MACF1: variants seen among roughly 807,000 people sequenced by gnomAD.
MACF1 encodes microtubule actin crosslinking factor 1.
A neutral mutation model predicts 854.8 loss-of-function variants in MACF1; 193 were observed. The observed-to-expected ratio is 0.23, with a 90% CI of 0.20 to 0.25. The LOEUF (loss-of-function observed/expected upper bound fraction) is 0.25, where lower values mean the gene tolerates loss of function less well. Ranked by LOEUF, MACF1 falls within the 10% of genes least tolerant of loss-of-function variation. The pLI, the probability that MACF1 is intolerant of heterozygous loss-of-function variation, is 1.00. For synonymous variants in MACF1, 3,185 were observed against 3,226.7 expected, an observed-to-expected ratio of 0.99 and a Z score of 0.44; for missense variants, 7,722 against 8,929.1, an observed-to-expected ratio of 0.86 and a Z score of 5.45.
chr1:39,333,735 T>A lies in MACF1; in HGVS notation c.7147T>A (p.Ser2383Thr). ...VLDPRTQTLC[S>T]VKDAVTVGLL... ...AGACCCCCGTACCCAGACACTGTGCTCTGTAAAGGATGCAGTTACAGTTGG... is the reference window on the plus strand; with the variant it reads ...AGACCCCCGTACCCAGACACTGTGCACTGTAAAGGATGCAGTTACAGTTGG... Residue 2383 changes from serine (S) to threonine (T), a missense_variant, in exon 37 of 101, where the codon TCT becomes ACT. Around this residue, in one of 15 missense-constraint regions of MACF1, gnomAD observed 1,531 missense variants for 1,601.6 expected, o/e 0.96. Coordinates refer to ENST00000564288, the MANE Select transcript of MACF1 (RefSeq NM_001394062.1). The A allele has an allele frequency of 6.2e-7, 1 of 1,614,170 alleles. No homozygotes were observed. The highest frequency in any genetic ancestry group is 8.5e-7 in the Non-Finnish European group (1 of 1,180,026).
chr1:39,215,264 C>T (rs1248197977), intron 1 of MACF1: 8 of 152,596 alleles, frequency 5.2e-5, no homozygotes, highest in Non-Finnish European at 1.2e-4. Context: ...CTACACCTCA[C>T]AGCCCTTTTT....
chr1:39,258,531 A>G (rs773333900), intron 6 of MACF1, among the ~76,000 whole-genome samples: 31 of 152,232 alleles, frequency 2.0e-4, no homozygotes, highest in Non-Finnish European at 3.1e-4. Flanking sequence ...AGCGGCCATC[A>G]CACCCAAGAG....
Position 39,204,775 on chromosome 1 carries a change from T to A in MACF1, c.-248T>A. The A allele has an allele frequency of 9.3e-6, 4 of 429,086 alleles. No homozygotes were observed. The highest frequency in any genetic ancestry group is 1.7e-5 in the Non-Finnish European group (4 of 237,916). 26.6% of individuals were successfully genotyped at this position (429,086 alleles called of 1,614,324 possible). The stretch of plus-strand genomic sequence containing the variant: ...CCTTCTTCCCTTTCCCCTCCCCCGC[T>A]GGCCAGTTGTTTCCTGGGCTTTGTC... On this transcript the variant is annotated 5_prime_UTR_variant, in exon 1 of 101. Coordinates refer to ENST00000564288, the MANE Select transcript of MACF1 (RefSeq NM_001394062.1).
At chr1:39,451,328 C>T in intron 85 of MACF1, 117 bp downstream of exon 85, 1 of 1,059,032 alleles carries the variant, frequency 9.4e-7, no homozygotes, top group Non-Finnish European at 1.3e-6. Context: ...GAGAGCCTGA[C>T]AGTTGCTTTG....
chr1:39,231,911 A>C (rs1160090193), intron 2 of MACF1, among the ~76,000 whole-genome samples: 1 of 151,668 alleles, frequency 6.6e-6, no homozygotes, highest in Non-Finnish European at 1.5e-5. Context: ...CTTTCTCTTA[A>C]AGTGCATGAA....
At chr1:39,372,443 C>G (rs1298199312) in intron 51 of MACF1, 36 bp from the exon 52 acceptor site, 1 of 1,246,476 alleles carries the variant, frequency 8.0e-7, no homozygotes, top group African/African-American at 1.5e-5. Flanking sequence ...GAAAAAGCCC[C>G]AGATACTACA....
intron 2 of MACF1, among the ~76,000 whole-genome samples, chr1:39,242,177 GTC>G (rs1644932020): frequency 1.3e-5 from 2 of 152,092 alleles, no homozygotes; most frequent in Admixed American, 6.5e-5. Context: ...GCGAAACCTT[GTC>G]TCTATTAAAA....
At chr1:39,243,430 C>A (rs191323722) in intron 2 of MACF1, among the ~76,000 whole-genome samples, 1 of 152,270 alleles carries the variant, frequency 6.6e-6, no homozygotes, top group African/African-American at 2.4e-5. Flanking sequence ...GAGACAGGAT[C>A]TCACTCTGTT....
intron 2 of MACF1, among the ~76,000 whole-genome samples, chr1:39,100,644 A>T (rs927044040): frequency 6.6e-6 from 1 of 152,078 alleles, no homozygotes; most frequent in African/African-American, 2.4e-5. Flanking sequence ...ACCTGAGGTC[A>T]GGAGTTTGAG....
Position 39,434,421 on chromosome 1 carries a change from C to G in MACF1, c.17573C>G (p.Thr5858Arg), listed in dbSNP as rs758614703. The G allele has an allele frequency of 1.5e-6, 2 of 1,331,592 alleles. No homozygotes were observed. Among genetic ancestry groups the G allele is most frequent in the South Asian group, 2.6e-5 (2 of 75,896 alleles). 82.5% of individuals were successfully genotyped at this position (1,331,592 alleles called of 1,614,324 possible). A position where few individuals can be genotyped will look rare whatever the true frequency, so the allele number is the denominator to read the frequency against. The change falls in exon 69 of 101, where the codon ACA becomes AGA. Residue 5858 changes from threonine (T) to arginine (R), a missense_variant. Physicochemically the swap from Thr to Arg is moderately conservative, Grantham distance 71. Coordinates refer to ENST00000564288, the MANE Select transcript of MACF1 (RefSeq NM_001394062.1). The part of the protein sequence containing the change: ...EEQKTVLQEK[T>R]ESLIQQYEAI... The stretch of plus-strand genomic sequence containing the variant: ...TTTTTTTTGCTCACATAGGAAAAGA[C>G]AGAGTCTCTAATACAGCAATATGAA...
chr1:39,383,047 C>T (rs58784472), intron 56 of MACF1, among the ~76,000 whole-genome samples: 3,665 of 152,180 alleles, frequency 0.024, 117 homozygotes, highest in East Asian at 0.17. Context: ...CTTGAACCCA[C>T]GGGATGAAGG....
chr1:39,335,268 C>G lies in MACF1; in HGVS notation c.8680C>G (p.Leu2894Val). 6.2e-7 allele frequency: 1 copy of G among 1,613,974 alleles called. No individual in the cohort carries two copies. Among genetic ancestry groups the G allele is most frequent in the Non-Finnish European group, 8.5e-7 (1 of 1,179,934 alleles). ...THPYSECDFK[L>V]KEVARNNMGN... ...CCCTTACTCTGAATGTGATTTTAAA[C>G]TTAAAGAAGTGGCTAGAAATAACAT... is the stretch of plus-strand genomic sequence containing the variant. Residue 2894 changes from leucine to valine, a missense_variant, in exon 37 of 101, where the codon CTT becomes GTT. This residue lies in a region of MACF1 where 854 missense variants were observed against 852.6 expected (regional missense o/e 1.00). Coordinates refer to ENST00000564288, the MANE Select transcript of MACF1 (RefSeq NM_001394062.1).
chr1:39,173,249 G>A (rs886514278), intron 2 of MACF1, among the ~76,000 whole-genome samples: 2 of 150,764 alleles, frequency 1.3e-5, no homozygotes, highest in Admixed American at 6.7e-5. Flanking sequence ...CTGAGGCAGG[G>A]GAATCACTTG....
rs1643845335 is a variant in MACF1, at chr1:39,430,018, G to A, written c.17080G>A (p.Gly5694Arg). The change falls in exon 65 of 101, where the codon GGA becomes AGA. Residue 5694 changes from glycine (G) to arginine (R), a missense_variant. Around this residue, in one of 15 missense-constraint regions of MACF1, gnomAD observed 2,807 missense variants for 3,235.8 expected, o/e 0.87. Transcript: ENST00000564288. ...EVEEELATSG[G>R]QSPTGEQIPQ... Reference sequence around the variant, plus strand: ...GGAGGAGGAGCTGGCAACCAGTGGAGGACAGTCTCCCACAGGGGAACAGAT... The same window carrying A: ...GGAGGAGGAGCTGGCAACCAGTGGAAGACAGTCTCCCACAGGGGAACAGAT... The A allele has an allele frequency of 1.2e-6, 2 of 1,613,762 alleles. No individual in the cohort carries two copies. The highest frequency in any genetic ancestry group is 1.3e-5 in the African/African-American group (1 of 74,898).
At chr1:39,233,035 T>G (rs138434715) in intron 2 of MACF1, among the ~76,000 whole-genome samples, 3 of 21,714 alleles carry the variant, frequency 1.4e-4, no homozygotes, top group South Asian at 3.7e-3. Context: ...GTTGTTGTGT[T>G]TTGTTTTTTG....
intron 2 of MACF1, among the ~76,000 whole-genome samples, chr1:39,249,476 A>G (rs916982624): frequency 1.3e-5 from 2 of 152,348 alleles, no homozygotes; most frequent in Middle Eastern, 3.4e-3. Flanking sequence ...CTGTTTTTCC[A>G]TAGTTCCAAT....
In MACF1 at chr1:39,442,469, C is replaced by T. The variant is rs952054632; in HGVS notation, c.19006C>T (p.Leu6336=). 4 of 1,614,186 alleles carry T rather than the reference C, an allele frequency of 2.5e-6. No homozygotes were observed. The highest frequency in any genetic ancestry group is 2.2e-5 in the East Asian group (1 of 44,888). The change falls in exon 77 of 101, where the codon CTA becomes TTA. Residue 6336 remains leucine, a synonymous_variant. Coordinates refer to ENST00000564288, the MANE Select transcript of MACF1 (RefSeq NM_001394062.1). ...TCAGTTCCAGCATGCCTTAGAGGAACTAATGAGTTGGCTGACTCATACCGA... is the reference window on the plus strand; with the variant it reads ...TCAGTTCCAGCATGCCTTAGAGGAATTAATGAGTTGGCTGACTCATACCGA... The part of the protein sequence containing the change: ...LGQFQHALEE[L]MSWLTHTEEL...
intron 58 of MACF1, among the ~76,000 whole-genome samples, chr1:39,416,535 A>G (rs1643319198): frequency 6.6e-6 from 1 of 152,226 alleles, no homozygotes; most frequent in South Asian, 2.1e-4. Context: ...AAGCTTATAT[A>G]GCAGTAATCA....
chr1:39,368,314 G>C lies in MACF1; in HGVS notation c.12938G>C (p.Arg4313Thr), dbSNP rs376448874. 2.5e-6 allele frequency: 4 copies of C among 1,611,540 alleles called. No homozygotes were observed. Among genetic ancestry groups the C allele is most frequent in the South Asian group, 2.2e-5 (2 of 90,982 alleles). Residue 4313 changes from arginine to threonine, a missense_variant and splice_region_variant, in exon 50 of 101, where the codon AGA (arginine) becomes ACA (threonine). Physicochemically the swap from Arg to Thr is moderately conservative, Grantham distance 71. Coordinates refer to ENST00000564288, the MANE Select transcript of MACF1 (RefSeq NM_001394062.1). ...GAGCTACAGAAGACAGTTAAAGAGA[G>C]GTGAGTTATCACTTGTGTTGGTCAG... ...FTELQKTVKE[R>T]EKDASSCQEQ...
Sources: gnomAD v4.1 joint callset for allele counts (sites outside exome capture counted in the v4.1 genomes callset) on GRCh38, gnomAD v4.1.1 for gene constraint, gnomAD v4.1.1 regional missense constraint, MANE v1.5 for transcripts, NCBI Gene and HGNC (gene_info 2026-07-23, HGNC 2026-07-21) for gene names.